CCDC57: variants seen among roughly 807,000 people sequenced by gnomAD.
CCDC57 encodes coiled-coil domain-containing protein 57.
Under a neutral mutation model 118.9 loss-of-function variants are expected in CCDC57, and 118 were observed. The observed-to-expected ratio is 0.99, with a 90% CI of 0.86 to 1.16. The LOEUF (loss-of-function observed/expected upper bound fraction) is 1.16, where lower values mean the gene tolerates loss of function less well. Among genes scored for constraint, CCDC57 ranks in the 50% most tolerant of loss-of-function variants. The pLI is 0.00. For synonymous variants in CCDC57, 527 were observed against 532.9 expected (o/e 0.99, Z 0.15); for missense variants, 1,300 against 1,320.7 (o/e 0.98, Z 0.24).
chr17:82,182,075 G>A (rs555928605), intron 9 of CCDC57, among the ~76,000 whole-genome samples: 103 of 152,046 alleles, frequency 6.8e-4, no homozygotes, highest in Non-Finnish European at 1.3e-3. Flanking sequence ...CTGAGATTGC[G>A]CCACTGCACT....
At chr17:82,151,212 C>T (rs72490487) in intron 16 of CCDC57, among the ~76,000 whole-genome samples, 670 of 56,952 alleles carry the variant, frequency 0.012, 22 homozygotes, top group East Asian at 0.043. Context: ...CATCCAGAAC[C>T]TGACCCACAC....
intron 1 of CCDC57, among the ~76,000 whole-genome samples, chr17:82,208,467 G>A (rs1172032721): frequency 1.3e-5 from 2 of 151,964 alleles, no homozygotes; most frequent in Non-Finnish European, 2.9e-5. Flanking sequence ...ATCTTGGCCA[G>A]GCTGGTCTTG....
In CCDC57 at chr17:82,172,831, T is replaced by C; in HGVS notation, c.1536A>G (p.Ile512Met). Residue 512 changes from isoleucine to methionine, a missense_variant, in exon 12 of 20, where the codon ATA becomes ATG. Transcript: ENST00000665763. The surrounding 1 kb of genome is among the most constrained non-coding windows in gnomAD (Gnocchi z 5.2). The stretch of plus-strand genomic sequence containing the variant: ...TCTCACTGGATGGAAAGTCTTTACT[T>C]ATTTCTTCTTCATGCTGCCTGAGAA... 3 of 1,613,070 alleles carry C rather than the reference T, an allele frequency of 1.9e-6. No individual in the cohort carries two copies. The highest frequency in any genetic ancestry group is 2.5e-6 in the Non-Finnish European group (3 of 1,179,570).
chr17:82,129,079 C>T (rs568792103), intron 17 of CCDC57, among the ~76,000 whole-genome samples: 14 of 152,184 alleles, frequency 9.2e-5, no homozygotes, highest in African/African-American at 2.6e-4. Context: ...CCACCATGCC[C>T]GGCTAGTTTT....
chr17:82,178,890 T>C (rs118126101), intron 10 of CCDC57, 137 bp downstream of exon 9: 25,946 of 1,026,278 alleles, frequency 0.025, 449 homozygotes, highest in South Asian at 0.037. Flanking sequence ...ATTACTCTAA[T>C]TTATTACTCT....
At chr17:82,168,931 CACTA>C (rs1463971698) in intron 13 of CCDC57, among the ~76,000 whole-genome samples, 2 of 152,126 alleles carry the variant, frequency 1.3e-5, no homozygotes, top group Non-Finnish European at 2.9e-5. Flanking sequence ...AACCTCCCTC[CACTA>C]CCCCCACCAC....
Position 82,123,149 on chromosome 17 carries a change from G to T in CCDC57, c.2899+4543C>A, listed in dbSNP as rs1030619714. ...TTTTTTTTTTTTTTTTTTTTGTAGA[G>T]ACAGGGTCTTGCTCTCTCACCCAGG... On this transcript the variant is annotated intron_variant, in intron 19 of 19. Transcript: ENST00000665763. 1.2e-4 allele frequency among the ~76,000 whole-genome samples: 15 copies of T among 123,586 alleles called. No individual in the cohort carries two copies. In the South Asian group the frequency reaches 1.8e-3, roughly 15 times the overall value. The allele number at this position is 123,586 out of a possible 152,430, so 81.1% of individuals were successfully genotyped here. A position where few individuals can be genotyped will look rare whatever the true frequency, so the allele number is the denominator to read the frequency against.
chr17:82,134,267 A>T (rs2038843453), intron 16 of CCDC57, 73 bp from the exon 16 acceptor site: 1 of 1,246,400 alleles, frequency 8.0e-7, no homozygotes, highest in East Asian at 3.2e-5. Flanking sequence ...GAATGCAAAC[A>T]CTCAGAAAGA....
intron 19 of CCDC57, among the ~76,000 whole-genome samples, chr17:82,125,155 G>C (rs1309287472): frequency 6.6e-6 from 1 of 152,146 alleles, no homozygotes; most frequent in Non-Finnish European, 1.5e-5. Context: ...AGGCAGAAGG[G>C]AAGCTGCGTC....
At chr17:82,113,438 CAA>C (rs2035443061) in intron 19 of CCDC57, 1 of 717,636 alleles carries the variant, frequency 1.4e-6, no homozygotes, top group Non-Finnish European at 2.6e-6. Flanking sequence ...TAGTGAGAAA[CAA>C]GAGAGCAGGG....
chr17:82,133,268 G>GA (rs1180324808), intron 17 of CCDC57, among the ~76,000 whole-genome samples: 1 of 151,888 alleles, frequency 6.6e-6, no homozygotes, highest in Admixed American at 6.6e-5. Flanking sequence ...CAGCTACTTG[G>GA]AAGGCTGAGG....
chr17:82,107,272 T>G (rs1012605603), intron 19 of CCDC57: 1 of 385,798 alleles, frequency 2.6e-6, no homozygotes, highest in African/African-American at 2.1e-5. Context: ...TTGGTTCCCC[T>G]GGGAAAAGAG....
At chr17:82,107,441 C>T (rs1297963922) in intron 19 of CCDC57, 2 of 469,756 alleles carry the variant, frequency 4.3e-6, no homozygotes, top group Admixed American at 4.7e-5. Context: ...CGTCTCTGCG[C>T]CTCCGTTTGA....
At chr17:82,132,123 A>C (rs1399332311) in intron 17 of CCDC57, among the ~76,000 whole-genome samples, 7 of 47,264 alleles carry the variant, frequency 1.5e-4, no homozygotes, top group African/African-American at 4.9e-4. Flanking sequence ...TGTCTCAAAA[A>C]AAAAAAAAAA....
chr17:82,108,274 G>C (rs369885266), intron 19 of CCDC57, among the ~76,000 whole-genome samples: 1 of 152,212 alleles, frequency 6.6e-6, no homozygotes. Context: ...CTGGAGTTGT[G>C]CTGAGAGAGC....
rs994578008 is a variant in CCDC57 at position 82,192,812 on chromosome 17, T to C, written c.851+944A>G. 1.3e-5 allele frequency among the ~76,000 whole-genome samples: 2 copies of C among 152,226 alleles called. No individual in the cohort carries two copies. Among genetic ancestry groups the C allele is most frequent in the African/African-American group, 4.8e-5 (2 of 41,442 alleles). ...GCACAGACAGTGTCCTTGAAGTTCT[T>C]CTGGATTTATACAACTGCACAAATA... On this transcript the variant is annotated intron_variant, in intron 7 of 19. Transcript: ENST00000665763. The surrounding 1 kb of genome is among the most constrained non-coding windows in gnomAD (Gnocchi z 4.0).
exon 6 of CCDC57, chr17:82,193,982 C>T (rs1297330299): frequency 6.8e-6 from 11 of 1,607,438 alleles, no homozygotes; most frequent in East Asian, 2.2e-5. Context: ...ACTCGCGCAC[C>T]GGGCGCGGCT....
At chr17:82,202,028 T>G in intron 2 of CCDC57, 76 bp from the exon 2 acceptor site, 4 of 1,362,530 alleles carry the variant, frequency 2.9e-6, no homozygotes, top group Non-Finnish European at 3.9e-6. Flanking sequence ...CTACCTCACA[T>G]TCCCTATCAA....
chr17:82,140,638 C>T (rs561417702), intron 16 of CCDC57, among the ~76,000 whole-genome samples: 2 of 152,196 alleles, frequency 1.3e-5, no homozygotes, highest in African/African-American at 2.4e-5. Flanking sequence ...TGTTTTTTAC[C>T]AGGACTGGAA....
Sources: allele counts gnomAD v4.1 joint callset (sites outside exome capture counted in the v4.1 genomes callset), GRCh38; gene constraint gnomAD v4.1.1; non-coding constraint Gnocchi (gnomAD v3.1); transcripts MANE v1.5; gene names NCBI Gene and HGNC (gene_info 2026-07-23, HGNC 2026-07-21).